The following PLXNA4 variants were observed in gnomAD, a reference collection of about 807,000 sequenced individuals.
PLXNA4 encodes plexin-A4.
A neutral mutation model predicts 191.8 loss-of-function variants in PLXNA4; 44 were observed. The ratio of observed to expected loss-of-function variants is 0.23; its 90% CI spans 0.18 to 0.29. The LOEUF is 0.29. Among genes scored for constraint, PLXNA4 ranks in the 10% least tolerant of loss-of-function variants. The pLI is 1.00. For missense variants in PLXNA4, 1,800 were observed against 2,488.8 expected, an observed-to-expected ratio of 0.72 and a Z score of 5.89; for synonymous variants, 1,082 against 1,009.5, an observed-to-expected ratio of 1.07 and a Z score of -1.36.
chr7:132,211,373 G>A (rs1022950038), intron 9 of PLXNA4, among the ~76,000 whole-genome samples: 2 of 152,204 alleles, frequency 1.3e-5, no homozygotes, highest in Non-Finnish European at 2.9e-5. Flanking sequence ...CCCTCTTTGG[G>A]TTCCATGAAA....
chr7:132,435,551 GAGAAAGA>G (rs1795439019), intron 3 of PLXNA4, among the ~76,000 whole-genome samples: 1 of 152,132 alleles, frequency 6.6e-6, no homozygotes, highest in Non-Finnish European at 1.5e-5. Context: ...CAGGGGAGGT[GAGAAAGA>G]ACAATGAGGA....
At chr7:132,608,975 C>A (rs1272760267) in intron 2 of PLXNA4, among the ~76,000 whole-genome samples, 1 of 152,170 alleles carries the variant, frequency 6.6e-6, no homozygotes, top group Non-Finnish European at 1.5e-5. Flanking sequence ...ACTGCCACCC[C>A]TGAGGCCTTG....
intron 2 of PLXNA4, among the ~76,000 whole-genome samples, chr7:132,629,446 A>AT (rs1482814008): frequency 6.6e-6 from 1 of 152,132 alleles, no homozygotes; most frequent in Non-Finnish European, 1.5e-5. Context: ...CCTCGGAAAC[A>AT]TTTTTTAAAA....
chr7:132,458,830 CCA>C (rs1205443143), intron 3 of PLXNA4, among the ~76,000 whole-genome samples: 1 of 152,124 alleles, frequency 6.6e-6, no homozygotes, highest in African/African-American at 2.4e-5. Flanking sequence ...CCAAGAAACC[CCA>C]GTTTGGAAAC....
chr7:132,440,694 G>A lies in PLXNA4; in HGVS notation c.1371+48598C>T, dbSNP rs988775140. ...TAAAATAAATCAAATATTTTACCAC[G>A]AAAGGTGATTATCAAACACTTATTT... On this transcript the variant is annotated intron_variant, in intron 3 of 31. Coordinates refer to ENST00000321063, the MANE Select transcript of PLXNA4 (RefSeq NM_020911.2). 7.2e-5 allele frequency among the ~76,000 whole-genome samples: 11 copies of A among 152,192 alleles called. No individual in the cohort carries two copies. In the South Asian group the frequency reaches 1.2e-3, roughly 17 times the overall value.
chr7:132,641,841 G>T (rs1281640767), intron 2 of PLXNA4, among the ~76,000 whole-genome samples: 1 of 152,128 alleles, frequency 6.6e-6, no homozygotes, highest in Non-Finnish European at 1.5e-5. Flanking sequence ...AAGTACCCAT[G>T]ACCAAGTCTG....
intron 2 of PLXNA4, among the ~76,000 whole-genome samples, chr7:132,628,047 T>C (rs1003500031): frequency 6.6e-6 from 1 of 152,208 alleles, no homozygotes; most frequent in Non-Finnish European, 1.5e-5. Flanking sequence ...CTTTTTCCAA[T>C]ATAGACAGAA....
chr7:132,578,888 C>T (rs1802347264), upstream of PLXNA4, among the ~76,000 whole-genome samples: 1 of 152,192 alleles, frequency 6.6e-6, no homozygotes, highest in Admixed American at 6.5e-5. Context: ...ATCCCAGACT[C>T]TAGATAAAGC....
rs555700658 is a variant in PLXNA4, at chr7:132,635,983, G to C, written c.-87+9945C>G. The stretch of plus-strand genomic sequence containing the variant: ...CTGGGGGATGGAGGAGGCGGTTCCA[G>C]GGATCTGTTAGGAGAAGCCCTCTCA... On this transcript the variant is annotated intron_variant, in intron 2 of 4. Coordinates refer to the PLXNA4 transcript ENST00000378539. Among the ~76,000 whole-genome samples the C allele has an allele frequency of 3.3e-5, 5 of 152,306 alleles. No individual in the cohort carries two copies. The South Asian group carries it at 1.0e-3, about 32-fold the overall frequency.
chr7:132,322,285 G>A (rs942069240), intron 3 of PLXNA4, among the ~76,000 whole-genome samples: 7 of 151,120 alleles, frequency 4.6e-5, no homozygotes, highest in East Asian at 1.9e-4. Context: ...GGGTTCAAGC[G>A]ATTCTTGTGC....
chr7:132,523,757 G>A (rs1284790487), intron 1 of PLXNA4, among the ~76,000 whole-genome samples: 1 of 152,118 alleles, frequency 6.6e-6, no homozygotes, highest in Non-Finnish European at 1.5e-5. Context: ...TCCAGCAGGG[G>A]TTGCTGGTGA....
At chr7:132,206,669 G>T (rs1584843921) in intron 10 of PLXNA4, among the ~76,000 whole-genome samples, 2 of 152,156 alleles carry the variant, frequency 1.3e-5, no homozygotes, top group African/African-American at 4.8e-5. Flanking sequence ...GTTCCTGGAG[G>T]CTCTCTCTCC....
chr7:132,208,028 C>T (rs1797682256), intron 10 of PLXNA4, among the ~76,000 whole-genome samples: 1 of 152,204 alleles, frequency 6.6e-6, no homozygotes, highest in African/African-American at 2.4e-5. Flanking sequence ...TAAGTAGATA[C>T]CCTCTCAGGT....
At chr7:132,457,294 T>C (rs1796349499) in intron 3 of PLXNA4, among the ~76,000 whole-genome samples, 2 of 152,352 alleles carry the variant, frequency 1.3e-5, no homozygotes, top group Middle Eastern at 6.8e-3. Flanking sequence ...GATCCCACAC[T>C]GCACTGATAT....
At chr7:132,474,061 AC>A (rs1797029385) in intron 3 of PLXNA4, among the ~76,000 whole-genome samples, 1 of 150,904 alleles carries the variant, frequency 6.6e-6, no homozygotes, top group South Asian at 2.1e-4. Context: ...ACAAAACAAA[AC>A]AAAACAAAAA....
At chr7:132,222,598 A>C (rs1429133194) in intron 9 of PLXNA4, among the ~76,000 whole-genome samples, 2 of 152,106 alleles carry the variant, frequency 1.3e-5, no homozygotes, top group East Asian at 1.9e-4. Context: ...AGATACACGC[A>C]AGACTAGGGG....
Position 132,384,745 on chromosome 7 carries a change from TACACACACACACACACAC to T in PLXNA4, c.1372-86541_1372-86524del, listed in dbSNP as rs10535106. 3.2e-3 allele frequency: 3,186 copies of T among 995,230 alleles called. 67 individuals are homozygous for T. The African/African-American group carries it at 0.052, about 16-fold the overall frequency. 61.6% of individuals were successfully genotyped at this position (995,230 alleles called of 1,614,324 possible). ...ACACACCTTTAAACACAGATAAGCATACACACACACACACACACACACACACACACACACACACACACA... is the reference window on the plus strand; with the variant it reads ...ACACACCTTTAAACACAGATAAGCATACACACACACACACACACACACACA... On this transcript the variant is annotated intron_variant, in intron 3 of 31. Coordinates refer to ENST00000321063, the MANE Select transcript of PLXNA4 (RefSeq NM_020911.2).
chr7:132,379,858 A>G (rs1009222678), intron 3 of PLXNA4, among the ~76,000 whole-genome samples: 1 of 152,164 alleles, frequency 6.6e-6, no homozygotes, highest in Non-Finnish European at 1.5e-5. Flanking sequence ...TGGTGTACAC[A>G]CTGTCTCCAG....
At chr7:132,327,209 G>A (rs1289893638) in intron 3 of PLXNA4, among the ~76,000 whole-genome samples, 2 of 150,116 alleles carry the variant, frequency 1.3e-5, no homozygotes, top group Non-Finnish European at 3.0e-5. Context: ...GGGAAGGTGG[G>A]CAGCTTTGCA....
Sources: allele counts gnomAD v4.1 joint callset (sites outside exome capture counted in the v4.1 genomes callset), GRCh38; gene constraint gnomAD v4.1.1; transcripts MANE v1.5; gene names NCBI Gene and HGNC (gene_info 2026-07-23, HGNC 2026-07-21).